Variants in XPOT observed in about 807,000 individuals in gnomAD.
XPOT encodes the protein exportin-T.
A neutral mutation model predicts 128.2 loss-of-function variants in XPOT; 34 were observed. That is an observed-to-expected ratio of 0.27 (90% CI 0.20 to 0.35). The LOEUF (loss-of-function observed/expected upper bound fraction) is 0.35, where lower values mean the gene tolerates loss of function less well. Among genes scored for constraint, XPOT ranks in the 10% least tolerant of loss-of-function variants. The pLI is 1.00. For missense variants in XPOT, 838 were observed against 1,125.3 expected, an observed-to-expected ratio of 0.74 and a Z score of 3.65; for synonymous variants, 348 against 394.3, an observed-to-expected ratio of 0.88 and a Z score of 1.39.
intron 3 of XPOT, 78 bp downstream of exon 3, chr12:64,415,067 A>G (rs1001567620): frequency 7.7e-5 from 70 of 909,342 alleles, no homozygotes; most frequent in Middle Eastern, 3.3e-4. Flanking sequence ...CTGTATTTGG[A>G]AAGTGTTTTC....
chr12:64,407,168 A>G (rs1281526704), intron 1 of XPOT, among the ~76,000 whole-genome samples: 1 of 152,136 alleles, frequency 6.6e-6, no homozygotes, highest in Non-Finnish European at 1.5e-5. Flanking sequence ...ATAGTGATGG[A>G]TAGTCAAGAC....
intron 23 of XPOT, among the ~76,000 whole-genome samples, chr12:64,444,605 CACCAA>C (rs1299805375): frequency 6.6e-6 from 1 of 152,092 alleles, no homozygotes; most frequent in Non-Finnish European, 1.5e-5. Context: ...AAAGTAGACT[CACCAA>C]AGCAGAAAGT....
At position 64,448,569 on chromosome 12, in the gene XPOT, C is replaced by T. The variant is rs780478651; in HGVS notation, c.*438C>T. On this transcript the variant is annotated 3_prime_UTR_variant, in exon 25 of 25. Coordinates refer to ENST00000332707, the MANE Select transcript of XPOT (RefSeq NM_007235.6). ...ACTAACTTTTTGTAGATAGCCATTT[C>T]ATTTCTTTAAACTGTTTCAACGCCA... 6.4e-6 allele frequency: 1 copy of T among 155,394 alleles called. No homozygotes were observed. The highest frequency in any genetic ancestry group is 6.4e-5 in the Admixed American group (1 of 15,614). The allele number at this position is 155,394 out of a possible 1,614,324, so 9.6% of individuals were successfully genotyped here. A position where few individuals can be genotyped will look rare whatever the true frequency, so the allele number is the denominator to read the frequency against.
In XPOT at chr12:64,425,874, G is replaced by T; in HGVS notation, c.1632G>T (p.Thr544=). Residue 544 remains threonine, a synonymous_variant, in exon 15 of 25, where the codon ACG becomes ACT. Coordinates refer to ENST00000332707, the MANE Select transcript of XPOT (RefSeq NM_007235.6). ...CCAGTGCAAAAGTTCGGAGCAGGAC[G>T]GCTTACCTGTTTTCTAGATTTGTCA... ...RHSSAKVRSR[T]AYLFSRFVKS... 6.2e-7 allele frequency: 1 copy of T among 1,614,080 alleles called. No individual in the cohort carries two copies. The highest frequency in any genetic ancestry group is 8.5e-7 in the Non-Finnish European group (1 of 1,180,004).
intron 24 of XPOT, among the ~76,000 whole-genome samples, chr12:64,446,131 A>G (rs1426378389): frequency 6.6e-6 from 1 of 152,184 alleles, no homozygotes; most frequent in African/African-American, 2.4e-5. Context: ...TGCCTACAGG[A>G]GTAACCCCTG....
chr12:64,417,168 G>A (rs753627598), intron 4 of XPOT, among the ~76,000 whole-genome samples: 3 of 152,184 alleles, frequency 2.0e-5, no homozygotes, highest in African/African-American at 7.2e-5. Flanking sequence ...AGTGAGCCGG[G>A]ATCACACCAC....
intron 24 of XPOT, among the ~76,000 whole-genome samples, chr12:64,446,153 ATCAG>A (rs1333862310): frequency 1.3e-5 from 2 of 152,196 alleles, no homozygotes; most frequent in Non-Finnish European, 2.9e-5. Context: ...TAAATAACTG[ATCAG>A]TCAAACTGAA....
rs762867855 is a variant in XPOT, at chr12:64,433,463, C to T, written c.2312C>T (p.Ala771Val). ...LQQMFMPLLH[A>V]IFEVLLRPAE... ...CAGATGTTCATGCCCCTGCTTCATG[C>T]AATTTTTGAAGTGCTGCTCCGGCCA... Residue 771 changes from alanine to valine, a missense_variant, in exon 19 of 25, where the codon GCA (alanine) becomes GTA (valine). This residue lies in a region of XPOT where 761 missense variants were observed against 988.3 expected (regional missense o/e 0.77). Coordinates refer to ENST00000332707, the MANE Select transcript of XPOT (RefSeq NM_007235.6). 2 of 1,601,604 alleles carry T rather than the reference C, an allele frequency of 1.2e-6. No individual in the cohort carries two copies. The highest frequency in any genetic ancestry group is 1.7e-6 in the Non-Finnish European group (2 of 1,171,934).
At chr12:64,440,642 GT>G (rs1432791538) in intron 23 of XPOT, among the ~76,000 whole-genome samples, 1 of 151,902 alleles carries the variant, frequency 6.6e-6, no homozygotes, top group East Asian at 1.9e-4. Context: ...TCATTTTTTT[GT>G]AATAGCCATT....
Position 64,416,705 on chromosome 12 carries a change from C to T in XPOT, c.151C>T (p.His51Tyr). Residue 51 changes from histidine to tyrosine, a missense_variant, in exon 4 of 25, where the codon CAT becomes TAT. By Grantham distance (83) the His-to-Tyr change is moderately conservative (BLOSUM62 2). Transcript: ENST00000332707. Reference sequence around the variant, plus strand: ...TCTTTTTTTCTTTTTCAGTGATGATCATGTGAAGTTTTTCTGCTTTCAAGT... The same window carrying T: ...TCTTTTTTTCTTTTTCAGTGATGATTATGTGAAGTTTTTCTGCTTTCAAGT... ...ALAQRTYSDD[H>Y]VKFFCFQVLE... The T allele has an allele frequency of 6.2e-7, 1 of 1,612,322 alleles. No homozygotes were observed.
In XPOT at chr12:64,431,531, T is replaced by C. The variant is rs376903654; in HGVS notation, c.1977-7T>C. 6.2e-7 allele frequency: 1 copy of C among 1,610,278 alleles called. No individual in the cohort carries two copies. Among genetic ancestry groups the C allele is most frequent in the African/African-American group, 1.3e-5 (1 of 74,830 alleles). On this transcript the variant is annotated splice_polypyrimidine_tract_variant and splice_region_variant and intron_variant, in intron 17 of 24. Transcript: ENST00000332707. ...TGCATCTGATTGCCTGATTTTTGCT[T>C]ATATAGTCGAACCAGTAAAGCTTTC... is the stretch of plus-strand genomic sequence containing the variant.
chr12:64,437,317 A>G (rs1338877986), intron 22 of XPOT, among the ~76,000 whole-genome samples: 1 of 152,208 alleles, frequency 6.6e-6, no homozygotes, highest in African/African-American at 2.4e-5. Flanking sequence ...TTTAGTGGAG[A>G]TACATAAAAT....
At chr12:64,441,847 C>T (rs2040327365) in intron 23 of XPOT, among the ~76,000 whole-genome samples, 3 of 152,064 alleles carry the variant, frequency 2.0e-5, no homozygotes, top group Middle Eastern at 6.8e-3. Flanking sequence ...CACCACCATG[C>T]CTAGCTAATT....
chr12:64,447,387 T>G (rs1248897270), intron 24 of XPOT, among the ~76,000 whole-genome samples: 1 of 152,236 alleles, frequency 6.6e-6, no homozygotes, highest in Non-Finnish European at 1.5e-5. Context: ...AAATTTTGAC[T>G]TGGAAGTACT....
intron 1 of XPOT, among the ~76,000 whole-genome samples, chr12:64,407,480 T>A (rs1331020952): frequency 7.1e-6 from 1 of 140,516 alleles, no homozygotes; most frequent in African/African-American, 2.8e-5. Flanking sequence ...AGTGAGACTG[T>A]CTCAAAAAAA....
intron 1 of XPOT, chr12:64,405,222 A>T (rs995799275): frequency 6.6e-6 from 1 of 152,440 alleles, no homozygotes; most frequent in Admixed American, 6.5e-5. Flanking sequence ...CAAAAAGGAA[A>T]AGTGTTATTT....
At chr12:64,447,280 T>A (rs776852554) in intron 24 of XPOT, among the ~76,000 whole-genome samples, 1 of 152,176 alleles carries the variant, frequency 6.6e-6, no homozygotes, top group Non-Finnish European at 1.5e-5. Flanking sequence ...CTGAGAACAC[T>A]GAATTATGTC....
intron 17 of XPOT, among the ~76,000 whole-genome samples, chr12:64,430,994 G>A (rs960304081): frequency 6.6e-6 from 1 of 151,996 alleles, no homozygotes; most frequent in Non-Finnish European, 1.5e-5. Context: ...ACTCAGGCTG[G>A]AGTGCAGTGT....
chr12:64,440,313 A>G (rs2136037090), intron 23 of XPOT, among the ~76,000 whole-genome samples: 1 of 152,306 alleles, frequency 6.6e-6, no homozygotes, highest in South Asian at 2.1e-4. Flanking sequence ...CAATTTTTTA[A>G]GGCTGAATAA....
Sources: gnomAD v4.1 joint callset for allele counts (sites outside exome capture counted in the v4.1 genomes callset) on GRCh38, gnomAD v4.1.1 for gene constraint, gnomAD v4.1.1 regional missense constraint, MANE v1.5 for transcripts, NCBI Gene and HGNC (gene_info 2026-07-23, HGNC 2026-07-21) for gene names.